Variants in ZNF462 observed in about 807,000 individuals in gnomAD.
ZNF462 encodes zinc finger protein 462.
In ZNF462, 10 loss-of-function variants were observed where a neutral mutation model predicts 201.9. The observed-to-expected ratio is 0.05, with a 90% CI of 0.03 to 0.08. The LOEUF (loss-of-function observed/expected upper bound fraction) is 0.08, where lower values mean the gene tolerates loss of function less well. Among genes scored for constraint, ZNF462 ranks in the 10% least tolerant of loss-of-function variants. The pLI is 1.00. For missense variants in ZNF462, 2,523 were observed against 3,168.3 expected (o/e 0.80, Z 4.89); for synonymous variants, 1,227 against 1,193.3 (o/e 1.03, Z -0.58).
intron 1 of ZNF462, among the ~76,000 whole-genome samples, chr9:106,874,253 A>T (rs1350073517): frequency 1.3e-5 from 2 of 152,238 alleles, no homozygotes; most frequent in Non-Finnish European, 2.9e-5. Flanking sequence ...TGGACAGCGT[A>T]AACTGTGACC....
intron 7 of ZNF462, among the ~76,000 whole-genome samples, chr9:106,939,494 G>A (rs925550612): frequency 2.6e-5 from 4 of 152,154 alleles, no homozygotes; most frequent in African/African-American, 9.7e-5. Context: ...GAAATGTTTG[G>A]GGAGACAGGT....
Position 106,932,256 on chromosome 9 carries a change from C to T in ZNF462, c.6013-190C>T. 1 of 1,550,516 alleles carries T rather than the reference C, an allele frequency of 6.4e-7. No individual in the cohort carries two copies. Among genetic ancestry groups the T allele is most frequent in the Non-Finnish European group, 8.7e-7 (1 of 1,146,996 alleles). Reference sequence around the variant, plus strand: ...GTGGGGCATGTGTGTGTGTGTGGTTCTCTTAGCAGGAGGCGGATGACCCTG... The same window carrying T: ...GTGGGGCATGTGTGTGTGTGTGGTTTTCTTAGCAGGAGGCGGATGACCCTG... On this transcript the variant is annotated intron_variant, in intron 4 of 12. Transcript: ENST00000277225. This position sits in a 1 kb window ranked among gnomAD's most constrained non-coding sequence, Gnocchi z 6.8.
At chr9:106,948,255 A>T (rs879280539) in intron 7 of ZNF462, among the ~76,000 whole-genome samples, 6 of 152,196 alleles carry the variant, frequency 3.9e-5, no homozygotes, top group Admixed American at 3.9e-4. Flanking sequence ...GCCAGACGAC[A>T]GGAGTACTTA....
chr9:106,932,291 T>C lies in ZNF462; in HGVS notation c.6013-155T>C. 6.4e-7 allele frequency: 1 copy of C among 1,551,874 alleles called. No individual in the cohort carries two copies. The highest frequency in any genetic ancestry group is 1.2e-5 in the South Asian group (1 of 84,204). Reference sequence around the variant, plus strand: ...GAGGCGGATGACCCTGCCCACTTGTTCCTGGATGGATTGGAAGCAGCCAAA... The same window carrying C: ...GAGGCGGATGACCCTGCCCACTTGTCCCTGGATGGATTGGAAGCAGCCAAA... On this transcript the variant is annotated intron_variant, in intron 4 of 12. Coordinates refer to ENST00000277225, the MANE Select transcript of ZNF462 (RefSeq NM_021224.6). The surrounding 1 kb of genome is among the most constrained non-coding windows in gnomAD (Gnocchi z 6.8).
chr9:106,943,723 T>G (rs1007232419), intron 7 of ZNF462, among the ~76,000 whole-genome samples: 1 of 152,164 alleles, frequency 6.6e-6, no homozygotes, highest in Non-Finnish European at 1.5e-5. Context: ...ATATGGACAG[T>G]TAGGTAAGTA....
chr9:106,991,726 T>C (rs548195783), intron 10 of ZNF462, among the ~76,000 whole-genome samples: 2 of 151,916 alleles, frequency 1.3e-5, no homozygotes, highest in Non-Finnish European at 2.9e-5. Context: ...GGTCAGTTGA[T>C]TTTCATAAAA....
At position 107,005,396 on chromosome 9, in the gene ZNF462, A is replaced by G. The variant is rs984263707; in HGVS notation, c.7189+1970A>G. On this transcript the variant is annotated intron_variant, in intron 11 of 12. Transcript: ENST00000277225. The surrounding 1 kb of genome is among the most constrained non-coding windows in gnomAD (Gnocchi z 4.4). ...CATGTTATCTTCACTCTTTTTGATAATAGCCTCGTAACAGGTGTGAAGTGA... is the reference window on the plus strand; with the variant it reads ...CATGTTATCTTCACTCTTTTTGATAGTAGCCTCGTAACAGGTGTGAAGTGA... Among the ~76,000 whole-genome samples, 2 of 152,270 alleles carry G rather than the reference A, an allele frequency of 1.3e-5. No homozygotes were observed. Among genetic ancestry groups the G allele is most frequent in the Non-Finnish European group, 2.9e-5 (2 of 68,022 alleles).
At chr9:106,936,853 G>A (rs1394051108) in intron 6 of ZNF462, among the ~76,000 whole-genome samples, 1 of 152,194 alleles carries the variant, frequency 6.6e-6, no homozygotes, top group African/African-American at 2.4e-5. Context: ...AGCGTATTAA[G>A]CTGAAGTGTC....
chr9:106,916,860 G>C (rs1490252072), intron 1 of ZNF462, among the ~76,000 whole-genome samples: 1 of 152,110 alleles, frequency 6.6e-6, no homozygotes, highest in African/African-American at 2.4e-5. Context: ...TTGTCAAGAC[G>C]CTTCTCAGAA....
intron 1 of ZNF462, among the ~76,000 whole-genome samples, chr9:106,873,625 C>T (rs1041787490): frequency 6.6e-6 from 1 of 152,150 alleles, no homozygotes; most frequent in Non-Finnish European, 1.5e-5. Context: ...GATACCCCCT[C>T]CACCCCTTTT....
intron 7 of ZNF462, among the ~76,000 whole-genome samples, chr9:106,958,859 T>C (rs1392670686): frequency 1.3e-5 from 2 of 151,970 alleles, no homozygotes; most frequent in African/African-American, 2.4e-5. Flanking sequence ...GGTAAGGTGG[T>C]TGGGGAGGGC....
intron 1 of ZNF462, among the ~76,000 whole-genome samples, chr9:106,904,516 C>T (rs1034616438): frequency 2.6e-5 from 4 of 152,100 alleles, no homozygotes; most frequent in Admixed American, 6.6e-5. Context: ...TTATTCCCCC[C>T]GATATGTTTT....
intron 1 of ZNF462, among the ~76,000 whole-genome samples, chr9:106,910,757 T>C (rs555722383): frequency 6.6e-6 from 1 of 152,300 alleles, no homozygotes; most frequent in South Asian, 2.1e-4. Flanking sequence ...GTGAGACAAT[T>C]AGCCACCATT....
At chr9:106,903,010 G>A (rs1324553892) in intron 1 of ZNF462, among the ~76,000 whole-genome samples, 1 of 151,932 alleles carries the variant, frequency 6.6e-6, no homozygotes, top group Non-Finnish European at 1.5e-5. Flanking sequence ...TTTCCTTGAG[G>A]TGTGACCTTA....
rs747873018 is a variant in ZNF462 at position 106,872,397 on chromosome 9, TCTGTCTCCCAGG to T, written c.-31+9046_-31+9057del. 4.6e-5 allele frequency among the ~76,000 whole-genome samples: 7 copies of T among 152,206 alleles called. No individual in the cohort carries two copies. The highest frequency in any genetic ancestry group is 8.8e-5 in the Non-Finnish European group (6 of 68,030). Reference sequence around the variant, plus strand: ...CTTTTCTTTTTGGAGACAGTTTTGCTCTGTCTCCCAGGCTGGAGTGCAGTGGCACGATCTCCA... The same window carrying T: ...CTTTTCTTTTTGGAGACAGTTTTGCTCTGGAGTGCAGTGGCACGATCTCCA... On this transcript the variant is annotated intron_variant, in intron 1 of 12. Transcript: ENST00000277225. This position sits in a 1 kb window ranked among gnomAD's most constrained non-coding sequence, Gnocchi z 4.5.
rs1829993725 is a variant in ZNF462, at chr9:107,012,732, C to CT, written c.*1704dup. The CT allele has an allele frequency of 9.2e-5, 2 of 21,822 alleles. No homozygotes were observed. The highest frequency in any genetic ancestry group is 1.8e-4 in the Non-Finnish European group (2 of 11,250). 1.4% of individuals were successfully genotyped at this position (21,822 alleles called of 1,614,324 possible). A position where few individuals can be genotyped will look rare whatever the true frequency, so the allele number is the denominator to read the frequency against. ...TCATGTTTTTTTTTTTTTTTTTTTACTTGGAAGGGTTGTGGGAGGGTGGGA... is the reference window on the plus strand; with the variant it reads ...TCATGTTTTTTTTTTTTTTTTTTTACTTTGGAAGGGTTGTGGGAGGGTGGGA... On this transcript the variant is annotated 3_prime_UTR_variant, in exon 13 of 13. Coordinates refer to ENST00000277225, the MANE Select transcript of ZNF462 (RefSeq NM_021224.6).
rs1829886756 is a variant in ZNF462, at chr9:107,010,740, T to C, written c.7314-83T>C. The C allele has an allele frequency of 7.6e-7, 1 of 1,312,612 alleles. No homozygotes were observed. Among genetic ancestry groups the C allele is most frequent in the Non-Finnish European group, 1.0e-6 (1 of 978,408 alleles). 81.3% of individuals were successfully genotyped at this position (1,312,612 alleles called of 1,614,324 possible). On this transcript the variant is annotated intron_variant, in intron 12 of 12. Transcript: ENST00000277225. The surrounding 1 kb of genome is among the most constrained non-coding windows in gnomAD (Gnocchi z 4.6). ...TTGAGGATCAGGAAAATAAAGACAC[T>C]CGAGGGTTTTTATTATTTTTTTGTT... is the stretch of plus-strand genomic sequence containing the variant.
intron 1 of ZNF462, among the ~76,000 whole-genome samples, chr9:106,909,645 T>C (rs943794649): frequency 3.9e-5 from 6 of 152,216 alleles, no homozygotes; most frequent in African/African-American, 1.4e-4. Context: ...TTCGGTATTG[T>C]TCTCTCTTTC....
At chr9:106,908,939 ATATTTTTTTTTTTTTTTTTTTT>A (rs1829419713) in intron 1 of ZNF462, among the ~76,000 whole-genome samples, 1 of 29,948 alleles carries the variant, frequency 3.3e-5, no homozygotes, top group Non-Finnish European at 5.3e-5. Context: ...ATATATATAT[ATATTTTTTTTTTTTTTTTTTTT>A]TTTTTTTTTT....
Sources: gnomAD v4.1 joint callset for allele counts (sites outside exome capture counted in the v4.1 genomes callset) on GRCh38, gnomAD v4.1.1 for gene constraint, Gnocchi (gnomAD v3.1) non-coding constraint, MANE v1.5 for transcripts, NCBI Gene and HGNC (gene_info 2026-07-23, HGNC 2026-07-21) for gene names.